The following TRAT1 variants were observed in gnomAD, a reference collection of about 807,000 sequenced individuals.
TRAT1 encodes T cell receptor associated transmembrane adaptor 1, also known as T-cell receptor-associated transmembrane adapter 1.
A neutral mutation model predicts 20.0 loss-of-function variants in TRAT1; 20 were observed. The observed-to-expected ratio is 1.00, with a 90% CI of 0.70 to 1.45. The LOEUF is 1.45. Among genes scored for constraint, TRAT1 ranks in the 40% most tolerant of loss-of-function variants. The pLI is 0.00. For synonymous variants in TRAT1, 77 were observed against 74.2 expected (o/e 1.04, Z -0.20); for missense variants, 237 against 224.1 (o/e 1.06, Z -0.37).
intron 2 of TRAT1, among the ~76,000 whole-genome samples, chr3:108,838,698 G>T (rs1030486134): frequency 4.6e-5 from 7 of 152,092 alleles, no homozygotes; most frequent in African/African-American, 1.4e-4. Context: ...CAAGAAAGTT[G>T]CTCTGGTTTC....
At chr3:108,843,898 C>T (rs1289552292) in intron 3 of TRAT1, among the ~76,000 whole-genome samples, 1 of 152,232 alleles carries the variant, frequency 6.6e-6, no homozygotes, top group East Asian at 1.9e-4. Context: ...GCAGCCCCTT[C>T]TCCTTTGCTG....
Position 108,844,502 on chromosome 3 carries a change from C to T in TRAT1, c.153-2566C>T, listed in dbSNP as rs191850965. Among the ~76,000 whole-genome samples the T allele has an allele frequency of 3.4e-3, 493 of 144,938 alleles. 1 individual carries two copies. Among genetic ancestry groups the T allele is most frequent in the African/African-American group, 0.013 (466 of 36,084 alleles). On this transcript the variant is annotated intron_variant, in intron 3 of 5. Coordinates refer to ENST00000295756, the MANE Select transcript of TRAT1 (RefSeq NM_016388.4). ...TTGAGGAATTTTTTAAATAAAAGAC[C>T]TAATAAATAATAAATATAAATATAA...
chr3:108,846,050 G>A (rs1239133574), intron 3 of TRAT1, among the ~76,000 whole-genome samples: 1 of 152,182 alleles, frequency 6.6e-6, no homozygotes, highest in East Asian at 1.9e-4. Flanking sequence ...TGTGGTCCCT[G>A]TATAGTCTCT....
chr3:108,845,215 C>A (rs1398093249), intron 3 of TRAT1, among the ~76,000 whole-genome samples: 15 of 152,114 alleles, frequency 9.9e-5, no homozygotes, highest in Admixed American at 9.8e-4. Flanking sequence ...GGCAATTGCT[C>A]CTGAATAATA....
intron 1 of TRAT1, among the ~76,000 whole-genome samples, chr3:108,830,371 C>A (rs1945781831): frequency 6.6e-6 from 1 of 152,132 alleles, no homozygotes; most frequent in Non-Finnish European, 1.5e-5. Flanking sequence ...GATTTTTGAA[C>A]AAAAGTTTTT....
chr3:108,827,281 T>C (rs920430914), intron 1 of TRAT1, among the ~76,000 whole-genome samples: 4 of 152,108 alleles, frequency 2.6e-5, no homozygotes, highest in African/African-American at 9.7e-5. Flanking sequence ...TCCAGTATTC[T>C]AAGAGGCACT....
At chr3:108,823,051 T>A (rs1271422054) in intron 1 of TRAT1, 117 bp downstream of exon 1, 6 of 877,500 alleles carry the variant, frequency 6.8e-6, no homozygotes, top group Non-Finnish European at 1.1e-5. Flanking sequence ...AAATGTTGGA[T>A]AACTTTTAGT....
rs761817566 is a variant in TRAT1, at chr3:108,847,094, C to T, written c.179C>T (p.Thr60Ile). The change falls in exon 4 of 6, where the codon ACA becomes ATA. Residue 60 changes from threonine to isoleucine, a missense_variant. Coordinates refer to ENST00000295756, the MANE Select transcript of TRAT1 (RefSeq NM_016388.4). ...TRVDEYYIED[T>I]PIYGNLDDMI... ...GTTGATGAGTATTATATTGAAGACACACCAATTTATGGTAACTTAGATGAT... is the reference window on the plus strand; with the variant it reads ...GTTGATGAGTATTATATTGAAGACATACCAATTTATGGTAACTTAGATGAT... 1 of 1,542,902 alleles carries T rather than the reference C, an allele frequency of 6.5e-7. No individual in the cohort carries two copies. The highest frequency in any genetic ancestry group is 1.2e-5 in the South Asian group (1 of 85,794).
rs777787888 is a variant in TRAT1, at chr3:108,853,843, G to A, written c.527G>A (p.Gly176Glu). The A allele has an allele frequency of 3.1e-6, 5 of 1,614,068 alleles. No homozygotes were observed. The highest frequency in any genetic ancestry group is 3.4e-6 in the Non-Finnish European group (4 of 1,179,944). Reference sequence around the variant, plus strand: ...CATGATGATCCCATCAGACTGTTTGGATTGATCCGTGCTAAGAGAGAACCT... The same window carrying A: ...CATGATGATCCCATCAGACTGTTTGAATTGATCCGTGCTAAGAGAGAACCT... ...NIHDDPIRLF[G>E]LIRAKREPIN Residue 176 changes from glycine to glutamate, a missense_variant, in exon 6 of 6, where the codon GGA (glycine) becomes GAA (glutamate). Transcript: ENST00000295756.
In TRAT1 at chr3:108,853,948, G is replaced by A; in HGVS notation, c.*71G>A. 1.4e-6 allele frequency: 2 copies of A among 1,440,608 alleles called. No individual in the cohort carries two copies. Among genetic ancestry groups the A allele is most frequent in the Non-Finnish European group, 1.9e-6 (2 of 1,040,140 alleles). 89.2% of individuals were successfully genotyped at this position (1,440,608 alleles called of 1,614,324 possible). A position where few individuals can be genotyped will look rare whatever the true frequency, so the allele number is the denominator to read the frequency against. ...CTTCTAAGAAAACAAGATGCACAGA[G>A]GACACAGAAGGACTTGGCAGCAGGG... On this transcript the variant is annotated 3_prime_UTR_variant, in exon 6 of 6. Transcript: ENST00000295756.
chr3:108,831,113 G>A (rs1333049154), intron 2 of TRAT1, among the ~76,000 whole-genome samples: 1 of 152,166 alleles, frequency 6.6e-6, no homozygotes, highest in Non-Finnish European at 1.5e-5. Flanking sequence ...GGTTCTCTCT[G>A]ATACATAATA....
intron 3 of TRAT1, among the ~76,000 whole-genome samples, chr3:108,846,838 C>T (rs1434077610): frequency 6.6e-6 from 1 of 152,164 alleles, no homozygotes; most frequent in Non-Finnish European, 1.5e-5. Context: ...TCATGATTCC[C>T]TGTAAGAAGA....
Position 108,853,736 on chromosome 3 carries a change from A to G in TRAT1, c.420A>G (p.Leu140=), listed in dbSNP as rs1307649258. Residue 140 remains leucine (L), a synonymous_variant, in exon 6 of 6, where the codon CTA becomes CTG. Transcript: ENST00000295756. Reference sequence around the variant, plus strand: ...CAGACAAGGATGGAGATGAGCAACTACATGCAATAGATGCCAGCGTTTCTA... The same window carrying G: ...CAGACAAGGATGGAGATGAGCAACTGCATGCAATAGATGCCAGCGTTTCTA... ...HFSDKDGDEQ[L]HAIDASVSKT... The G allele has an allele frequency of 6.2e-7, 1 of 1,614,196 alleles. No homozygotes were observed. The highest frequency in any genetic ancestry group is 1.1e-5 in the South Asian group (1 of 91,086).
intron 5 of TRAT1, among the ~76,000 whole-genome samples, chr3:108,851,558 T>G (rs989357174): frequency 4.6e-5 from 7 of 152,134 alleles, no homozygotes. Context: ...TGTTGAACTT[T>G]TCTCAAGTTT....
chr3:108,849,899 A>G (rs1410657286), intron 5 of TRAT1, among the ~76,000 whole-genome samples: 2 of 152,212 alleles, frequency 1.3e-5, no homozygotes, highest in African/African-American at 4.8e-5. Context: ...ATTAAAAGCC[A>G]TTAGAAATTT....
At chr3:108,839,026 C>T in intron 3 of TRAT1, 59 bp downstream of exon 3, 3 of 1,293,912 alleles carry the variant, frequency 2.3e-6, no homozygotes, top group Non-Finnish European at 3.4e-6. Flanking sequence ...AGTAACAATG[C>T]TATATTGTTT....
chr3:108,847,085 T>C lies in TRAT1; in HGVS notation c.170T>C (p.Ile57Thr), dbSNP rs776696300. 2.6e-6 allele frequency: 4 copies of C among 1,541,994 alleles called. No individual in the cohort carries two copies. The highest frequency in any genetic ancestry group is 2.3e-5 in the East Asian group (1 of 43,792). ...TGTTATAGGGTTGATGAGTATTATA[T>C]TGAAGACACACCAATTTATGGTAAC... ...SDHTRVDEYY[I>T]EDTPIYGNLD... Residue 57 changes from isoleucine to threonine, a missense_variant, in exon 4 of 6, where the codon ATT becomes ACT. By Grantham distance (89) the Ile-to-Thr change is moderately conservative. Coordinates refer to ENST00000295756, the MANE Select transcript of TRAT1 (RefSeq NM_016388.4).
intron 1 of TRAT1, among the ~76,000 whole-genome samples, chr3:108,827,384 A>ATGTGTGTGTGTGTG (rs71103493): frequency 3.4e-5 from 5 of 145,114 alleles, no homozygotes; most frequent in African/African-American, 1.3e-4. Context: ...GTATGTGTGT[A>ATGTGTGTGTGTGTG]TGTGTGTGTG....
chr3:108,836,068 T>G, intron 2 of TRAT1, among the ~76,000 whole-genome samples: 1 of 151,810 alleles, frequency 6.6e-6, no homozygotes, highest in Non-Finnish European at 1.5e-5. Flanking sequence ...TACAGGCGCA[T>G]GCCACCATGC....
Sources: allele counts gnomAD v4.1 joint callset (sites outside exome capture counted in the v4.1 genomes callset), GRCh38; gene constraint gnomAD v4.1.1; transcripts MANE v1.5; gene names NCBI Gene and HGNC (gene_info 2026-07-23, HGNC 2026-07-21).